GPC5: variants seen among roughly 807,000 people sequenced by gnomAD.
GPC5 encodes the protein glypican-5.
In GPC5, 47 loss-of-function variants were observed where a neutral mutation model predicts 53.9. The observed-to-expected ratio is 0.87, with a 90% confidence interval of 0.69 to 1.11. The LOEUF (loss-of-function observed/expected upper bound fraction) is 1.11, where lower values mean the gene tolerates loss of function less well. Ranked by LOEUF, GPC5 falls within the 50% of genes most tolerant of loss-of-function variation. The probability of loss-of-function intolerance (pLI) is 0.00; values close to 1 mark genes in which losing one functional copy is unlikely to be tolerated. For missense variants in GPC5, 748 were observed against 713.1 expected, an observed-to-expected ratio of 1.05 and a Z score of -0.56; for synonymous variants, 286 against 263.3, an observed-to-expected ratio of 1.09 and a Z score of -0.84.
At chr13:91,833,095 AT>A (rs1238152854) in intron 5 of GPC5, among the ~76,000 whole-genome samples, 1 of 152,180 alleles carries the variant, frequency 6.6e-6, no homozygotes, top group Admixed American at 6.5e-5. Context: ...ACAAACTACC[AT>A]CAGCGAATAC....
intron 7 of GPC5, among the ~76,000 whole-genome samples, chr13:92,536,897 T>C (rs1333547236): frequency 6.6e-6 from 1 of 152,124 alleles, no homozygotes; most frequent in Non-Finnish European, 1.5e-5. Flanking sequence ...GGCTTATTAG[T>C]GTATATGTCT....
intron 6 of GPC5, among the ~76,000 whole-genome samples, chr13:91,962,949 C>G (rs1376583956): frequency 1.3e-5 from 2 of 152,084 alleles, no homozygotes; most frequent in African/African-American, 4.8e-5. Context: ...CCTATGTTCT[C>G]TAGTTTGTCA....
chr13:92,680,069 T>C (rs1417614540), intron 7 of GPC5, among the ~76,000 whole-genome samples: 1 of 152,156 alleles, frequency 6.6e-6, no homozygotes, highest in East Asian at 1.9e-4. Flanking sequence ...TGGAATATTG[T>C]AACCTAGCTC....
intron 6 of GPC5, among the ~76,000 whole-genome samples, chr13:91,985,976 C>T (rs1299518130): frequency 6.7e-6 from 1 of 150,292 alleles, no homozygotes; most frequent in African/African-American, 2.5e-5. Flanking sequence ...GCCAACTTCT[C>T]AATTGTAAAG....
chr13:92,224,168 A>G (rs10492504), intron 7 of GPC5, among the ~76,000 whole-genome samples: 23,462 of 152,176 alleles, frequency 0.15, 2,271 homozygotes, highest in Admixed American at 0.21. Flanking sequence ...ACTATTAAAG[A>G]AAAGCTAATA....
chr13:92,749,444 A>T (rs1889323768), intron 7 of GPC5, among the ~76,000 whole-genome samples: 1 of 152,180 alleles, frequency 6.6e-6, no homozygotes, highest in Non-Finnish European at 1.5e-5. Context: ...CGGAAAAAAA[A>T]GTATGCTATT....
At chr13:92,576,991 C>G (rs1883207098) in intron 7 of GPC5, among the ~76,000 whole-genome samples, 1 of 152,146 alleles carries the variant, frequency 6.6e-6, no homozygotes, top group African/African-American at 2.4e-5. Context: ...GTGATGTAAT[C>G]TTCAAGATAA....
chr13:92,194,021 C>T (rs915658247), intron 7 of GPC5, among the ~76,000 whole-genome samples: 11 of 152,042 alleles, frequency 7.2e-5, no homozygotes, highest in Non-Finnish European at 1.6e-4. Flanking sequence ...ATAGCAGAAA[C>T]TCAACAGTAA....
At chr13:92,271,551 C>G (rs1467785694) in intron 7 of GPC5, among the ~76,000 whole-genome samples, 1 of 152,092 alleles carries the variant, frequency 6.6e-6, no homozygotes, top group Non-Finnish European at 1.5e-5. Context: ...TATCATGCAG[C>G]AACTTATATA....
chr13:91,937,993 G>T (rs2039887035), intron 6 of GPC5, among the ~76,000 whole-genome samples: 1 of 152,004 alleles, frequency 6.6e-6, no homozygotes, highest in Non-Finnish European at 1.5e-5. Flanking sequence ...TATGAACTGA[G>T]AATTCATGAG....
At chr13:92,762,154 T>A (rs926626465) in intron 7 of GPC5, among the ~76,000 whole-genome samples, 2 of 152,122 alleles carry the variant, frequency 1.3e-5, no homozygotes, top group Non-Finnish European at 2.9e-5. Context: ...GTTATGATGC[T>A]CTATCATATA....
intron 7 of GPC5, among the ~76,000 whole-genome samples, chr13:92,178,253 C>CA (rs1174426787): frequency 1.3e-5 from 2 of 152,022 alleles, no homozygotes; most frequent in African/African-American, 4.8e-5. Context: ...TGGCAGTAGT[C>CA]AAACAAAAAT....
At chr13:92,456,117 A>T (rs1297165356) in intron 7 of GPC5, among the ~76,000 whole-genome samples, 2 of 152,214 alleles carry the variant, frequency 1.3e-5, no homozygotes, top group African/African-American at 4.8e-5. Flanking sequence ...TGACTATATT[A>T]TCCTGACATT....
At chr13:92,680,534 T>C (rs1354748353) in intron 7 of GPC5, among the ~76,000 whole-genome samples, 1 of 152,082 alleles carries the variant, frequency 6.6e-6, no homozygotes, top group Non-Finnish European at 1.5e-5. Flanking sequence ...AAAAATAAAT[T>C]GCTCTAAAGA....
intron 7 of GPC5, among the ~76,000 whole-genome samples, chr13:92,172,638 T>C (rs1211246144): frequency 6.6e-6 from 1 of 152,186 alleles, no homozygotes; most frequent in Non-Finnish European, 1.5e-5. Context: ...GCTTCTTTCA[T>C]TTAACTTATG....
chr13:92,159,229 G>A (rs952476519), intron 7 of GPC5, among the ~76,000 whole-genome samples: 1 of 152,082 alleles, frequency 6.6e-6, no homozygotes, highest in African/African-American at 2.4e-5. Flanking sequence ...TCTGCCAATG[G>A]AAAGTCCTAA....
chr13:91,484,513 A>C (rs201016641), intron 2 of GPC5, among the ~76,000 whole-genome samples: 2 of 152,162 alleles, frequency 1.3e-5, no homozygotes, highest in East Asian at 3.8e-4. Context: ...TTAAGTTTGC[A>C]ATAATTTAAG....
intron 5 of GPC5, among the ~76,000 whole-genome samples, chr13:91,821,153 C>T (rs902456949): frequency 6.6e-5 from 10 of 152,116 alleles, no homozygotes; most frequent in African/African-American, 2.4e-4. Context: ...GCCTTTAATG[C>T]TTCTCAATAA....
intron 7 of GPC5, among the ~76,000 whole-genome samples, chr13:92,335,499 T>C (rs1176334805): frequency 6.6e-6 from 1 of 152,176 alleles, no homozygotes; most frequent in Non-Finnish European, 1.5e-5. Context: ...GCTTTAGTGA[T>C]TAACATTCTG....
Sources: allele counts gnomAD v4.1 joint callset (sites outside exome capture counted in the v4.1 genomes callset), GRCh38; gene constraint gnomAD v4.1.1; transcripts MANE v1.5; gene names NCBI Gene and HGNC (gene_info 2026-07-23, HGNC 2026-07-21).